POTEH: variants seen among roughly 807,000 people sequenced by gnomAD.
The protein encoded by POTEH is POTE ankyrin domain family member H, also known as ANKRD26-like family C member 3.
Under a neutral mutation model 41.7 loss-of-function variants are expected in POTEH, and 6 were observed. That is an observed-to-expected ratio of 0.14 (90% CI 0.08 to 0.28). POTEH has a LOEUF of 0.28. Among genes scored for constraint, POTEH ranks in the 10% least tolerant of loss-of-function variants. The pLI is 1.00. For synonymous variants in POTEH, 38 were observed against 179.9 expected, an observed-to-expected ratio of 0.21 and a Z score of 6.31; for missense variants, 115 against 533.5, an observed-to-expected ratio of 0.22 and a Z score of 7.73.
At chr22:15,703,757 G>A (rs1989610970) in intron 6 of POTEH, among the ~76,000 whole-genome samples, 1 of 150,394 alleles carries the variant, frequency 6.6e-6, no homozygotes, top group Non-Finnish European at 1.5e-5. Flanking sequence ...AAGAGCTTCT[G>A]TAAGTTAGGT....
At chr22:15,690,991 T>G (rs1449963535) in intron 1 of POTEH, among the ~76,000 whole-genome samples, 1 of 136,258 alleles carries the variant, frequency 7.3e-6, no homozygotes, top group Non-Finnish European at 1.7e-5. Context: ...AGCAGATTAT[T>G]TTTAATGTAC....
At chr22:15,691,253 G>A (rs1407400266) in intron 1 of POTEH, among the ~76,000 whole-genome samples, 3 of 140,846 alleles carry the variant, frequency 2.1e-5, no homozygotes, top group Admixed American at 7.4e-5. Flanking sequence ...GCTGGGCGTG[G>A]TGGCTCACAC....
chr22:15,692,009 A>ATATAAAAATAAAAC (rs1421248855), intron 1 of POTEH, among the ~76,000 whole-genome samples: 9 of 128,606 alleles, frequency 7.0e-5, no homozygotes, highest in African/African-American at 2.4e-4. Context: ...TATATATATA[A>ATATAAAAATAAAAC]ATTTCTTTTT....
rs368386347 is a variant in POTEH, at chr22:15,690,355, C to T, written c.278C>T (p.Thr93Ile). Residue 93 changes from threonine to isoleucine, a missense_variant, in exon 1 of 11, where the codon ACA becomes ATA. By Grantham distance (89) the Thr-to-Ile change is moderately conservative. Coordinates refer to ENST00000343518, the MANE Select transcript of POTEH (RefSeq NM_001136213.1). The stretch of plus-strand genomic sequence containing the variant: ...GACCACGACGATTCTGCTATGAAGA[C>T]ACTCAGGAGCAAGATGGGCAAGTGG... ...SGDHDDSAMKTLRSKMGKWCC... is the reference protein window; with the variant it reads ...SGDHDDSAMKILRSKMGKWCC... 21 of 1,380,066 alleles carry T rather than the reference C, an allele frequency of 1.5e-5. No homozygotes were observed. The African/African-American group carries it at 3.1e-4, about 20-fold the overall frequency. 85.5% of individuals were successfully genotyped at this position (1,380,066 alleles called of 1,614,324 possible).
rs375385129 is a variant in POTEH at position 15,690,398 on chromosome 22, C to G, written c.321C>G (p.Pro107=). 1.5e-4 allele frequency: 204 copies of G among 1,381,724 alleles called. 9 individuals are homozygous for G. Among genetic ancestry groups the G allele is most frequent in the Middle Eastern group, 1.8e-4 (1 of 5,516 alleles). The allele number at this position is 1,381,724 out of a possible 1,614,324, so 85.6% of individuals were successfully genotyped here. A position where few individuals can be genotyped will look rare whatever the true frequency, so the allele number is the denominator to read the frequency against. ...GCAAGTGGTGCTGCCACTGCTTCCCCTGCTGCAGGGGGAGCGGCAAGAGCA... is the reference window on the plus strand; with the variant it reads ...GCAAGTGGTGCTGCCACTGCTTCCCGTGCTGCAGGGGGAGCGGCAAGAGCA... The part of the protein sequence containing the change: ...KMGKWCCHCF[P]CCRGSGKSNV... The change falls in exon 1 of 11, where the codon CCC becomes CCG. Residue 107 remains proline, a synonymous_variant. Transcript: ENST00000343518.
Position 15,691,140 on chromosome 22 carries a change from A to G in POTEH, c.632+431A>G, listed in dbSNP as rs1195607125. On this transcript the variant is annotated intron_variant, in intron 1 of 10. Transcript: ENST00000343518. ...GATTTTATATCAATGTACACTATGT[A>G]AATATGTTCTTTACTGAGTAATCTT... is the stretch of plus-strand genomic sequence containing the variant. Among the ~76,000 whole-genome samples, 3 of 141,168 alleles carry G rather than the reference A, an allele frequency of 2.1e-5. No homozygotes were observed. In the East Asian group the frequency reaches 6.0e-4, roughly 28 times the overall value. The allele number at this position is 141,168 out of a possible 152,430, so 92.6% of individuals were successfully genotyped here.
chr22:15,691,985 C>CATATATATAT (rs142856307), intron 1 of POTEH, among the ~76,000 whole-genome samples: 88 of 124,436 alleles, frequency 7.1e-4, no homozygotes, highest in South Asian at 1.3e-3. Context: ...TATGCAGATA[C>CATATATATAT]ATATATATAT....
chr22:15,691,427 G>C lies in POTEH; in HGVS notation c.632+718G>C, dbSNP rs577562558. On this transcript the variant is annotated intron_variant, in intron 1 of 10. Coordinates refer to ENST00000343518, the MANE Select transcript of POTEH (RefSeq NM_001136213.1). The stretch of plus-strand genomic sequence containing the variant: ...TGTAGTCCCAGCTACTCAGGAGGCT[G>C]AGGCAGGAGAATGGCGTGAACCTGG... Among the ~76,000 whole-genome samples, 88 of 125,256 alleles carry C rather than the reference G, an allele frequency of 7.0e-4. 4 individuals are homozygous for C. Among genetic ancestry groups the C allele is most frequent in the African/African-American group, 2.3e-3 (80 of 34,834 alleles). The allele number at this position is 125,256 out of a possible 152,430, so 82.2% of individuals were successfully genotyped here.
chr22:15,691,525 C>CAAA (rs1173004751), intron 1 of POTEH, among the ~76,000 whole-genome samples: 15 of 88,036 alleles, frequency 1.7e-4, no homozygotes, highest in African/African-American at 2.7e-4. Flanking sequence ...GACTCCGTCT[C>CAAA]AAAAAAAAAA....
At position 15,719,645 on chromosome 22, in the gene POTEH, TA is replaced by T; in HGVS notation, c.1521-13del. On this transcript the variant is annotated splice_polypyrimidine_tract_variant and intron_variant, in intron 9 of 10. Transcript: ENST00000343518. ...GACACCTCCAGTATTTCATGAAAAT[TA>T]ATTTTTTTTCTAGTGATGAACAAAA... is the stretch of plus-strand genomic sequence containing the variant. 1.9e-6 allele frequency: 1 copy of T among 522,168 alleles called. No homozygotes were observed. Among genetic ancestry groups the T allele is most frequent in the Middle Eastern group, 5.3e-4 (1 of 1,890 alleles). 32.3% of individuals were successfully genotyped at this position (522,168 alleles called of 1,614,324 possible).
chr22:15,692,863 G>A (rs1275575673), intron 1 of POTEH, among the ~76,000 whole-genome samples: 1 of 128,304 alleles, frequency 7.8e-6, no homozygotes, highest in African/African-American at 2.8e-5. Context: ...TTTCAAACAG[G>A]CACTTTAGTG....
chr22:15,697,355 C>CTT (rs752949267), intron 3 of POTEH: 88 of 77,786 alleles, frequency 1.1e-3, no homozygotes, highest in South Asian at 1.8e-3. Flanking sequence ...ATTAATCTGA[C>CTT]TTTTTTTTTT....
rs375628218 is a variant in POTEH at position 15,690,100 on chromosome 22, T to C, written c.23T>C (p.Met8Thr). 70 of 1,406,698 alleles carry C rather than the reference T, an allele frequency of 5.0e-5. 8 individuals carry two copies. In the African/African-American group the frequency reaches 1.0e-3, roughly 20 times the overall value. The allele number at this position is 1,406,698 out of a possible 1,614,324, so 87.1% of individuals were successfully genotyped here. Residue 8 changes from methionine (M) to threonine (T), a missense_variant, in exon 1 of 11, where the codon ATG becomes ACG. Transcript: ENST00000343518. ...CAGATGGTGGCTGAGGCTGGTTCAA[T>C]GCCGGCTGCCTCCTCTGTGAAGAAG... MVAEAGS[M>T]PAASSVKKPF...
At chr22:15,691,829 T>C (rs549923176) in intron 1 of POTEH, among the ~76,000 whole-genome samples, 8 of 149,412 alleles carry the variant, frequency 5.4e-5, no homozygotes, top group Non-Finnish European at 7.5e-5. Context: ...ATGTTTTGTA[T>C]TATTTAAAAA....
At chr22:15,709,439 T>A in intron 7 of POTEH, among the ~76,000 whole-genome samples, 1 of 146,054 alleles carries the variant, frequency 6.8e-6, no homozygotes, top group East Asian at 2.2e-4. Context: ...GATCTGCTGA[T>A]TCATTTTTGG....
rs78682162 is a variant in POTEH at position 15,690,914 on chromosome 22, C to G, written c.632+205C>G. 3.9e-5 allele frequency among the ~76,000 whole-genome samples: 5 copies of G among 129,628 alleles called. 1 individual carries two copies. The highest frequency in any genetic ancestry group is 1.1e-4 in the African/African-American group (4 of 36,192). 85.0% of individuals were successfully genotyped at this position (129,628 alleles called of 152,430 possible). ...AACTTTAGCTGATTTCCAATCAAAT[C>G]ATAATTTCCTTCCTAGAACACGAAT... On this transcript the variant is annotated intron_variant, in intron 1 of 10. Coordinates refer to ENST00000343518, the MANE Select transcript of POTEH (RefSeq NM_001136213.1).
chr22:15,708,553 G>C (rs1193174319), intron 7 of POTEH, among the ~76,000 whole-genome samples: 63 of 124,066 alleles, frequency 5.1e-4, no homozygotes, highest in Non-Finnish European at 1.0e-3. Context: ...TATTTTAATA[G>C]ATTCTTAAAA....
chr22:15,710,334 C>T (rs1209630210), intron 8 of POTEH, among the ~76,000 whole-genome samples: 1 of 151,636 alleles, frequency 6.6e-6, no homozygotes, highest in Non-Finnish European at 1.5e-5. Context: ...ATCCTAGGAA[C>T]CTAATGAAAA....
intron 3 of POTEH, among the ~76,000 whole-genome samples, chr22:15,698,295 G>A (rs1369443735): frequency 2.3e-5 from 3 of 130,240 alleles, no homozygotes; most frequent in African/African-American, 9.3e-5. Context: ...TTTATCTTAG[G>A]GTTGAGGATA....
Sources: allele counts gnomAD v4.1 joint callset (sites outside exome capture counted in the v4.1 genomes callset), GRCh38; gene constraint gnomAD v4.1.1; transcripts MANE v1.5; gene names NCBI Gene and HGNC (gene_info 2026-07-23, HGNC 2026-07-21).